Variants in MTHFD1L observed in about 807,000 individuals in gnomAD.
MTHFD1L encodes methylenetetrahydrofolate dehydrogenase (NADP+ dependent) 1 like, also known as monofunctional C1-tetrahydrofolate synthase, mitochondrial.
A neutral mutation model predicts 119.5 loss-of-function variants in MTHFD1L; 81 were observed. The observed-to-expected ratio is 0.68, with a 90% CI of 0.57 to 0.82. The LOEUF (loss-of-function observed/expected upper bound fraction) is 0.82. MTHFD1L is among the 40% of genes least tolerant of loss of function. The pLI is 0.00. For synonymous variants in MTHFD1L, 430 were observed against 475.2 expected, an observed-to-expected ratio of 0.90 and a Z score of 1.24; for missense variants, 1,125 against 1,253.4, an observed-to-expected ratio of 0.90 and a Z score of 1.55.
chr6:151,091,263 A>G (rs1318320374), intron 26 of MTHFD1L, among the ~76,000 whole-genome samples: 1 of 152,168 alleles, frequency 6.6e-6, no homozygotes, highest in South Asian at 2.1e-4. Context: ...GACTGGGTGC[A>G]GCATTGCTCC....
At chr6:151,006,793 A>G (rs505148) in intron 20 of MTHFD1L, among the ~76,000 whole-genome samples, 18,540 of 152,054 alleles carry the variant, frequency 0.12, 2,050 homozygotes, top group African/African-American at 0.29. Context: ...GGAGCTTGCA[A>G]TCTAACAGGG....
chr6:151,099,756 C>T (rs1048823963), intron 27 of MTHFD1L: 2 of 1,609,306 alleles, frequency 1.2e-6, no homozygotes, highest in African/African-American at 2.7e-5. Context: ...TCCGGAAGTT[C>T]CTGGTCCACA....
intron 20 of MTHFD1L, among the ~76,000 whole-genome samples, chr6:150,991,892 A>C (rs1334439033): frequency 6.6e-6 from 1 of 152,188 alleles, no homozygotes; most frequent in Admixed American, 6.5e-5. Context: ...AGAAGGTGAG[A>C]GGGGAGAAAG....
At chr6:151,091,491 G>T (rs77547406) in intron 26 of MTHFD1L, among the ~76,000 whole-genome samples, 4,732 of 152,100 alleles carry the variant, frequency 0.031, 205 homozygotes, top group South Asian at 0.12. Flanking sequence ...GAGAGTGTGC[G>T]GTTTGAAGAT....
chr6:150,932,897 A>AGG (rs1791394354), intron 11 of MTHFD1L, among the ~76,000 whole-genome samples: 1 of 151,118 alleles, frequency 6.6e-6, no homozygotes, highest in African/African-American at 2.4e-5. Flanking sequence ...GAAGGAAGGA[A>AGG]AAGAGAGAAA....
chr6:150,949,852 C>G (rs1034583836), intron 16 of MTHFD1L, among the ~76,000 whole-genome samples: 1 of 152,106 alleles, frequency 6.6e-6, no homozygotes, highest in Admixed American at 6.6e-5. Flanking sequence ...TCGAGCAGGT[C>G]GCATGCATGT....
chr6:150,877,623 A>C lies in MTHFD1L; in HGVS notation c.313-11A>C. ...ATTTTTATGTTGTTATGTTGTTTTT[A>C]CCTTCCTAAGGCAGGTGACGACAAC... is the stretch of plus-strand genomic sequence containing the variant. On this transcript the variant is annotated splice_polypyrimidine_tract_variant and intron_variant, in intron 2 of 27. Coordinates refer to ENST00000367321, the MANE Select transcript of MTHFD1L (RefSeq NM_015440.5). 6.2e-7 allele frequency: 1 copy of C among 1,613,904 alleles called. No homozygotes were observed. Among genetic ancestry groups the C allele is most frequent in the Non-Finnish European group, 8.5e-7 (1 of 1,179,976 alleles).
At chr6:150,979,977 T>TA (rs879342004) in intron 20 of MTHFD1L, among the ~76,000 whole-genome samples, 144 of 145,654 alleles carry the variant, frequency 9.9e-4, no homozygotes, top group Admixed American at 1.6e-3. Context: ...CATCCACCTT[T>TA]AAAAAAAAAA....
chr6:150,894,019 A>C (rs1783800310), intron 7 of MTHFD1L, among the ~76,000 whole-genome samples: 1 of 152,148 alleles, frequency 6.6e-6, no homozygotes, highest in Non-Finnish European at 1.5e-5. Flanking sequence ...TGAGGAGGGC[A>C]GATTGCTTGA....
intron 18 of MTHFD1L, among the ~76,000 whole-genome samples, chr6:150,962,667 G>A (rs974548966): frequency 2.6e-5 from 4 of 152,328 alleles, no homozygotes; most frequent in African/African-American, 7.2e-5. Flanking sequence ...CAGCACAGGC[G>A]CTGAGATGTG....
In MTHFD1L at chr6:151,066,200, G is replaced by C. The variant is rs1461248328; in HGVS notation, c.2848-26267G>C. Among the ~76,000 whole-genome samples the C allele has an allele frequency of 2.0e-5, 3 of 152,128 alleles. No homozygotes were observed. In the East Asian group the frequency reaches 5.8e-4, roughly 29 times the overall value. Reference sequence around the variant, plus strand: ...GCCTGTAATCCCAGCACTTTGGGAGGCCGAGGCGGGCGGATCATGAGGTCA... The same window carrying C: ...GCCTGTAATCCCAGCACTTTGGGAGCCCGAGGCGGGCGGATCATGAGGTCA... On this transcript the variant is annotated intron_variant, in intron 26 of 27. Transcript: ENST00000367321.
intron 11 of MTHFD1L, among the ~76,000 whole-genome samples, chr6:150,933,104 C>A (rs373116315): frequency 6.6e-6 from 1 of 152,002 alleles, no homozygotes; most frequent in African/African-American, 2.4e-5. Flanking sequence ...GTGATTTTCC[C>A]GAACTGTATT....
Position 151,009,972 on chromosome 6 carries a change from C to A in MTHFD1L, c.2265+14C>A. ...GGCGGGCCAAGTGTAAGTGCCCACA[C>A]CGCCTTCCTAATACCAAAGAAATTT... On this transcript the variant is annotated intron_variant, in intron 21 of 27. Coordinates refer to ENST00000367321, the MANE Select transcript of MTHFD1L (RefSeq NM_015440.5). The A allele has an allele frequency of 6.3e-7, 1 of 1,583,638 alleles. No homozygotes were observed. The highest frequency in any genetic ancestry group is 1.2e-5 in the South Asian group (1 of 85,794).
chr6:151,095,380 GC>G (rs926169773), intron 27 of MTHFD1L, among the ~76,000 whole-genome samples: 23 of 152,088 alleles, frequency 1.5e-4, no homozygotes, highest in African/African-American at 5.3e-4. Flanking sequence ...TTACATTTCT[GC>G]CATTTGTCAT....
chr6:150,869,149 A>G (rs1778966003), intron 1 of MTHFD1L, among the ~76,000 whole-genome samples: 1 of 152,148 alleles, frequency 6.6e-6, no homozygotes, highest in Admixed American at 6.5e-5. Context: ...GTATAGGGTA[A>G]CCATAACTTT....
chr6:150,879,989 A>T (rs1413871000), intron 4 of MTHFD1L, among the ~76,000 whole-genome samples: 1 of 152,102 alleles, frequency 6.6e-6, no homozygotes, highest in Non-Finnish European at 1.5e-5. Flanking sequence ...GACACATAAT[A>T]ATTGTGCATG....
At chr6:150,935,740 C>T (rs1791942543) in intron 11 of MTHFD1L, among the ~76,000 whole-genome samples, 2 of 152,278 alleles carry the variant, frequency 1.3e-5, no homozygotes, top group South Asian at 2.1e-4. Flanking sequence ...TGAGTAAATG[C>T]AGTGCTTCTT....
At chr6:150,960,548 T>G in intron 18 of MTHFD1L, 133 bp downstream of exon 18, 1 of 1,218,720 alleles carries the variant, frequency 8.2e-7, no homozygotes, top group Non-Finnish European at 1.1e-6. Flanking sequence ...CACACATTTC[T>G]TCCCCGACAA....
At chr6:151,057,316 T>C (rs918961064) in intron 26 of MTHFD1L, 3 of 985,248 alleles carry the variant, frequency 3.0e-6, no homozygotes, top group African/African-American at 3.5e-5. Context: ...AGGCAAAATA[T>C]AATAATGGTG....
Sources: allele counts gnomAD v4.1 joint callset (sites outside exome capture counted in the v4.1 genomes callset), GRCh38; gene constraint gnomAD v4.1.1; transcripts MANE v1.5; gene names NCBI Gene and HGNC (gene_info 2026-07-23, HGNC 2026-07-21).